ITSN1: variants seen among roughly 807,000 people sequenced by gnomAD.
ITSN1 encodes the protein intersectin-1.
ITSN1 carries 58 observed loss-of-function variants against 239.8 expected under a neutral mutation model. The ratio of observed to expected loss-of-function variants is 0.24; its 90% CI spans 0.20 to 0.30. ITSN1 has a LOEUF of 0.30. Ranked by LOEUF, ITSN1 falls within the 10% of genes least tolerant of loss-of-function variation. The pLI is 1.00. For synonymous variants in ITSN1, 780 were observed against 770.8 expected (o/e 1.01, Z -0.20); for missense variants, 1,558 against 2,103.3 (o/e 0.74, Z 5.07).
chr21:33,696,679 T>C (rs61494786), intron 1 of ITSN1, among the ~76,000 whole-genome samples: 6,737 of 152,320 alleles, frequency 0.044, 506 homozygotes, highest in African/African-American at 0.15. Context: ...TTGTTGAAAC[T>C]GGCTTAAAAA....
Position 33,706,420 on chromosome 21 carries a change from G to A in ITSN1, c.-32-12377G>A, listed in dbSNP as rs1424430886. 2.7e-5 allele frequency among the ~76,000 whole-genome samples: 4 copies of A among 150,938 alleles called. No homozygotes were observed. In the East Asian group the frequency reaches 5.8e-4, roughly 22 times the overall value. The stretch of plus-strand genomic sequence containing the variant: ...GAGTATAGCTGTTATTTGTTACTTG[G>A]TCATAAAGGTATTTGGAAAAGCACT... On this transcript the variant is annotated intron_variant, in intron 1 of 39. Transcript: ENST00000381318.
Position 33,857,248 on chromosome 21 carries a change from TG to T in ITSN1, c.3783+397del, listed in dbSNP as rs375156383. Among the ~76,000 whole-genome samples, 568 of 152,222 alleles carry T rather than the reference TG, an allele frequency of 3.7e-3. 13 individuals are homozygous for T. The highest frequency in any genetic ancestry group is 0.031 in the Admixed American group (474 of 15,298). On this transcript the variant is annotated intron_variant, in intron 30 of 39. Transcript: ENST00000381318. Reference sequence around the variant, plus strand: ...GGCCCGCAGTGTTGGCATCTGGAAATGGGGGGCCATCTGGCTGCTGTCTCGA... The same window carrying T: ...GGCCCGCAGTGTTGGCATCTGGAAATGGGGGCCATCTGGCTGCTGTCTCGA...
At chr21:33,826,742 TATC>T (rs1349381648) in intron 25 of ITSN1, 73 bp from the exon 26 acceptor site, 2 of 1,369,246 alleles carry the variant, frequency 1.5e-6, no homozygotes, top group East Asian at 2.3e-5. Context: ...AGCGGGTTTG[TATC>T]ATCATTAATC....
Position 33,856,770 on chromosome 21 carries a change from C to T in ITSN1, c.3696C>T (p.Thr1232=). The change falls in exon 30 of 40, where the codon ACC becomes ACT. Residue 1232 remains threonine, a synonymous_variant. Transcript: ENST00000381318. Reference sequence around the variant, plus strand: ...ACTTACATCTCTTGGATATGTTGACCCCAACTGAAAGAAAGCGACAAGGAT... The same window carrying T: ...ACTTACATCTCTTGGATATGTTGACTCCAACTGAAAGAAAGCGACAAGGAT... ...CSDLHLLDML[T]PTERKRQGYI... 2 of 1,614,014 alleles carry T rather than the reference C, an allele frequency of 1.2e-6. No individual in the cohort carries two copies. The highest frequency in any genetic ancestry group is 2.2e-5 in the East Asian group (1 of 44,874).
intron 14 of ITSN1, among the ~76,000 whole-genome samples, chr21:33,777,947 A>G (rs180778633): frequency 2.6e-5 from 4 of 152,296 alleles, no homozygotes; most frequent in African/African-American, 9.6e-5. Context: ...TATCAGGTTG[A>G]TGGACTTCTC....
intron 1 of ITSN1, among the ~76,000 whole-genome samples, chr21:33,687,796 C>T (rs1367889536): frequency 6.6e-6 from 1 of 152,160 alleles, no homozygotes; most frequent in African/African-American, 2.4e-5. Flanking sequence ...AGATGCTTAA[C>T]AAAGAGTTGT....
intron 30 of ITSN1, among the ~76,000 whole-genome samples, chr21:33,857,375 C>G (rs1391791820): frequency 6.6e-6 from 1 of 152,228 alleles, no homozygotes; most frequent in African/African-American, 2.4e-5. Context: ...GTGATGCCTC[C>G]TCATCTTGTC....
chr21:33,871,859 G>A (rs1982809716), intron 33 of ITSN1, among the ~76,000 whole-genome samples: 1 of 152,174 alleles, frequency 6.6e-6, no homozygotes, highest in Non-Finnish European at 1.5e-5. Context: ...TTTGAATCTT[G>A]CTACTTAACC....
chr21:33,785,078 G>A (rs193241330), intron 16 of ITSN1, among the ~76,000 whole-genome samples: 103 of 152,264 alleles, frequency 6.8e-4, no homozygotes, highest in African/African-American at 2.4e-3. Flanking sequence ...CTGTTCTTTT[G>A]TATTTCATGT....
Position 33,690,916 on chromosome 21 carries a change from T to TG in ITSN1, c.-32-27878dup, listed in dbSNP as rs527745604. Among the ~76,000 whole-genome samples, 759 of 145,808 alleles carry TG rather than the reference T, an allele frequency of 5.2e-3. 7 individuals carry two copies. The highest frequency in any genetic ancestry group is 0.018 in the African/African-American group (722 of 39,750). ...GTGACTCCATCACCCCAATGGGCCA[T>TG]GGGCAAGTCCTGTTTCCACTCTCAC... On this transcript the variant is annotated intron_variant, in intron 1 of 39. Coordinates refer to ENST00000381318, the MANE Select transcript of ITSN1 (RefSeq NM_003024.3).
chr21:33,724,083 TTGTGTGTGTGTGTTTGTGTG>T (rs2065667856), intron 4 of ITSN1, among the ~76,000 whole-genome samples: 1 of 130,260 alleles, frequency 7.7e-6, no homozygotes, highest in African/African-American at 3.2e-5. Flanking sequence ...TCACAGGAGA[TTGTGTGTGTGTGTTTGTGTG>T]TGTGTGTGTG....
chr21:33,872,396 A>ATCT (rs1982900755), intron 33 of ITSN1, among the ~76,000 whole-genome samples: 2 of 151,940 alleles, frequency 1.3e-5, no homozygotes, highest in African/African-American at 4.9e-5. Context: ...CAATAATGAT[A>ATCT]TATTATAAAA....
chr21:33,651,644 A>G (rs1367997947), intron 1 of ITSN1, among the ~76,000 whole-genome samples: 2 of 152,234 alleles, frequency 1.3e-5, no homozygotes, highest in East Asian at 1.9e-4. Context: ...ATAGGTTTCT[A>G]TAGGAGAGAT....
At chr21:33,740,150 T>G (rs1459095284) in intron 5 of ITSN1, among the ~76,000 whole-genome samples, 1 of 152,124 alleles carries the variant, frequency 6.6e-6, no homozygotes, top group Non-Finnish European at 1.5e-5. Context: ...AGGAATGGTT[T>G]TAAAGGAGAA....
chr21:33,673,013 C>T (rs746612232), intron 1 of ITSN1, among the ~76,000 whole-genome samples: 7 of 151,968 alleles, frequency 4.6e-5, no homozygotes, highest in Non-Finnish European at 8.8e-5. Flanking sequence ...CTGGCGGAAA[C>T]GATTTAATAA....
In ITSN1 at chr21:33,765,967, C is replaced by T; in HGVS notation, c.881C>T (p.Pro294Leu). The change falls in exon 10 of 40, where the codon CCA becomes CTA. Residue 294 changes from proline (P) to leucine (L), a missense_variant. This residue lies in a region of ITSN1 where 982 missense variants were observed against 1,209.9 expected (regional missense o/e 0.81). Coordinates refer to ENST00000381318, the MANE Select transcript of ITSN1 (RefSeq NM_003024.3). ...ATTGATGTAGCTATGTCTGGCCAAC[C>T]ACTGCCACCTGTCCTGCCTCCAGAA... ...HLIDVAMSGQ[P>L]LPPVLPPEYI... 1 of 1,614,116 alleles carries T rather than the reference C, an allele frequency of 6.2e-7. No individual in the cohort carries two copies. Among genetic ancestry groups the T allele is most frequent in the Non-Finnish European group, 8.5e-7 (1 of 1,179,990 alleles).
At chr21:33,781,798 C>T (rs997863907) in intron 15 of ITSN1, among the ~76,000 whole-genome samples, 196 bp from the exon 16 acceptor site, 3 of 152,068 alleles carry the variant, frequency 2.0e-5, no homozygotes, top group Admixed American at 6.6e-5. Context: ...AGGCTGGTCT[C>T]GAACTCCTGA....
At chr21:33,872,809 T>G (rs899776395) in intron 33 of ITSN1, among the ~76,000 whole-genome samples, 1 of 152,150 alleles carries the variant, frequency 6.6e-6, no homozygotes, top group Non-Finnish European at 1.5e-5. Context: ...TTTTTATTCT[T>G]GAAATAATGG....
At chr21:33,883,449 T>G in intron 35 of ITSN1, 101 bp from the exon 36 acceptor site, 2 of 1,513,584 alleles carry the variant, frequency 1.3e-6, no homozygotes, top group Non-Finnish European at 1.8e-6. Context: ...GCAGTCTCGT[T>G]TACTAGAACA....
Sources: gnomAD v4.1 joint callset for allele counts (sites outside exome capture counted in the v4.1 genomes callset) on GRCh38, gnomAD v4.1.1 for gene constraint, gnomAD v4.1.1 regional missense constraint, MANE v1.5 for transcripts, NCBI Gene and HGNC (gene_info 2026-07-23, HGNC 2026-07-21) for gene names.